The following ZNF608 variants were observed in gnomAD, a reference collection of about 807,000 sequenced individuals.
ZNF608 encodes the protein renal carcinoma antigen NY-REN-36.
Under a neutral mutation model 109.0 loss-of-function variants are expected in ZNF608, and 12 were observed. The ratio of observed to expected loss-of-function variants is 0.11; its 90% CI spans 0.07 to 0.18. The LOEUF (loss-of-function observed/expected upper bound fraction) is 0.18, where lower values mean the gene tolerates loss of function less well. ZNF608 is among the 10% of genes least tolerant of loss of function. ZNF608 has a pLI of 1.00. For missense variants in ZNF608, 1,707 were observed against 1,879.3 expected (o/e 0.91, Z 1.70); for synonymous variants, 732 against 717.4 (o/e 1.02, Z -0.33).
At chr5:124,710,554 C>T (rs1271539099) in intron 2 of ZNF608, 2 of 218,946 alleles carry the variant, frequency 9.1e-6, no homozygotes, top group African/African-American at 4.6e-5. Flanking sequence ...TTTTGACTCC[C>T]TGTACAGGAC....
At chr5:124,644,220 A>G (rs766413262) in intron 6 of ZNF608, 24 bp downstream of exon 6, 17 of 1,563,556 alleles carry the variant, frequency 1.1e-5, no homozygotes, top group African/African-American at 1.4e-5. Flanking sequence ...TTCCTCCAAT[A>G]TAGTCAGAAC....
rs541830194 is a variant in ZNF608 at position 124,721,996 on chromosome 5, T to A, written c.907-20727A>T. On this transcript the variant is annotated intron_variant, in intron 2 of 9. Coordinates refer to ENST00000513986, the MANE Select transcript of ZNF608 (RefSeq NM_020747.3). ...AAGAACTCAAAGCCAAATCATCAAG[T>A]GGGACCAGTCCCCCAATTCCCAGTT... 2.1e-3 allele frequency among the ~76,000 whole-genome samples: 259 copies of A among 123,654 alleles called. 1 individual carries two copies. Among genetic ancestry groups the A allele is most frequent in the Non-Finnish European group, 3.9e-3 (232 of 60,064 alleles). The allele number at this position is 123,654 out of a possible 152,430, so 81.1% of individuals were successfully genotyped here.
At chr5:124,653,867 C>T (rs913507630) in intron 3 of ZNF608, among the ~76,000 whole-genome samples, 3 of 152,174 alleles carry the variant, frequency 2.0e-5, no homozygotes, top group African/African-American at 7.2e-5. Context: ...GGCGCAATAG[C>T]TATAAGACCA....
intron 2 of ZNF608, among the ~76,000 whole-genome samples, chr5:124,715,926 G>A (rs1045493769): frequency 3.3e-5 from 5 of 151,816 alleles, no homozygotes; most frequent in African/African-American, 7.3e-5. Context: ...GGCGGATCAC[G>A]AGGTCAGGAG....
Position 124,644,090 on chromosome 5 carries a change from T to C in ZNF608, c.4123+154A>G, listed in dbSNP as rs562368607. 6.6e-5 allele frequency among the ~76,000 whole-genome samples: 10 copies of C among 152,346 alleles called. No individual in the cohort carries two copies. In the East Asian group the frequency reaches 7.7e-4, roughly 12 times the overall value. On this transcript the variant is annotated intron_variant, in intron 6 of 9. Coordinates refer to ENST00000513986, the MANE Select transcript of ZNF608 (RefSeq NM_020747.3). ...CTTGACATTTCATTAAAAAAACTTA[T>C]ATTAAATCAGTTTTATCTTTGGGAC...
At chr5:124,706,009 A>G (rs1753245005) in intron 2 of ZNF608, among the ~76,000 whole-genome samples, 1 of 152,248 alleles carries the variant, frequency 6.6e-6, no homozygotes, top group East Asian at 1.9e-4. Flanking sequence ...TTCTGGACTG[A>G]CTGTGTAGTG....
At chr5:124,718,879 T>C (rs1425321923) in intron 2 of ZNF608, among the ~76,000 whole-genome samples, 2 of 152,094 alleles carry the variant, frequency 1.3e-5, no homozygotes, top group Non-Finnish European at 2.9e-5. Flanking sequence ...ACAAATGGAG[T>C]CATTATTAAA....
At chr5:124,731,470 C>A (rs1748898655) in intron 2 of ZNF608, among the ~76,000 whole-genome samples, 1 of 152,074 alleles carries the variant, frequency 6.6e-6, no homozygotes, top group South Asian at 2.1e-4. Context: ...CTCAGCCTTC[C>A]AAAGTGCTGG....
intron 3 of ZNF608, among the ~76,000 whole-genome samples, chr5:124,663,289 A>T (rs1751350260): frequency 6.6e-6 from 1 of 152,186 alleles, no homozygotes; most frequent in Admixed American, 6.5e-5. Flanking sequence ...TCTTACCCAA[A>T]CAGGCCTCTC....
chr5:124,715,598 T>C (rs1267217040), intron 2 of ZNF608, among the ~76,000 whole-genome samples: 1 of 152,170 alleles, frequency 6.6e-6, no homozygotes, highest in African/African-American at 2.4e-5. Context: ...TCTTCTAAAA[T>C]TAAAAAATGC....
chr5:124,668,818 A>G (rs920982424), intron 3 of ZNF608, among the ~76,000 whole-genome samples: 7 of 152,174 alleles, frequency 4.6e-5, no homozygotes, highest in African/African-American at 1.7e-4. Context: ...TTAAGACAAG[A>G]CTTCCTTGAG....
Position 124,637,814 on chromosome 5 carries a change from T to C in ZNF608, c.*86A>G. On this transcript the variant is annotated 3_prime_UTR_variant, in exon 10 of 10. Coordinates refer to ENST00000513986, the MANE Select transcript of ZNF608 (RefSeq NM_020747.3). ...TGGTTTTTGCCTGCCATTAAGGCAT[T>C]TCAAATTAACACCATGGAACTGATG... is the stretch of plus-strand genomic sequence containing the variant. 6.9e-7 allele frequency: 1 copy of C among 1,456,000 alleles called. No homozygotes were observed. The highest frequency in any genetic ancestry group is 9.4e-7 in the Non-Finnish European group (1 of 1,063,180). The allele number at this position is 1,456,000 out of a possible 1,614,324, so 90.2% of individuals were successfully genotyped here. A position where few individuals can be genotyped will look rare whatever the true frequency, so the allele number is the denominator to read the frequency against.
At chr5:124,663,188 G>T (rs1183491015) in intron 3 of ZNF608, among the ~76,000 whole-genome samples, 1 of 152,220 alleles carries the variant, frequency 6.6e-6, no homozygotes, top group Admixed American at 6.5e-5. Flanking sequence ...TTCCTTTGAA[G>T]AAATTCAGCA....
At chr5:124,748,474 C>T, upstream of ZNF608, 3 of 921,566 alleles carry the variant, frequency 3.3e-6, no homozygotes, top group Non-Finnish European at 3.9e-6. Context: ...CTCGCACATT[C>T]CCCTGCATGA....
intron 2 of ZNF608, among the ~76,000 whole-genome samples, chr5:124,740,846 T>C (rs1749364853): frequency 6.6e-6 from 1 of 152,236 alleles, no homozygotes; most frequent in Non-Finnish European, 1.5e-5. Context: ...TTGTATATAT[T>C]TTTGAATTTT....
intron 3 of ZNF608, among the ~76,000 whole-genome samples, chr5:124,650,475 T>G (rs950267352): frequency 1.2e-4 from 19 of 152,230 alleles, no homozygotes; most frequent in Non-Finnish European, 2.8e-4. Flanking sequence ...ATCTCAAAAC[T>G]AACACACTCG....
At chr5:124,691,381 C>G (rs1290619729) in intron 3 of ZNF608, among the ~76,000 whole-genome samples, 1 of 152,176 alleles carries the variant, frequency 6.6e-6, no homozygotes, top group African/African-American at 2.4e-5. Context: ...TGCTCAGCAT[C>G]ACTATCCACA....
intron 2 of ZNF608, among the ~76,000 whole-genome samples, chr5:124,733,219 T>C (rs887330505): frequency 2.4e-4 from 25 of 105,702 alleles, no homozygotes; most frequent in South Asian, 1.6e-3. Context: ...CTCTCTCTCT[T>C]TTTTTTTTTT....
intron 3 of ZNF608, among the ~76,000 whole-genome samples, chr5:124,690,246 C>T (rs2149836055): frequency 6.6e-6 from 1 of 152,290 alleles, no homozygotes; most frequent in Non-Finnish European, 1.5e-5. Context: ...GTAAGTGGAG[C>T]ACAGAAGATT....
Sources: gnomAD v4.1 joint callset for allele counts (sites outside exome capture counted in the v4.1 genomes callset) on GRCh38, gnomAD v4.1.1 for gene constraint, MANE v1.5 for transcripts, NCBI Gene and HGNC (gene_info 2026-07-23, HGNC 2026-07-21) for gene names.